The following PPM1F variants were observed in gnomAD, a reference collection of about 807,000 sequenced individuals.
The protein encoded by PPM1F is protein phosphatase 1F.
Under a neutral mutation model 35.5 loss-of-function variants are expected in PPM1F, and 17 were observed. That is an observed-to-expected ratio of 0.48 (90% confidence interval 0.33 to 0.72). The LOEUF is 0.72. Ranked by LOEUF, PPM1F falls within the 30% of genes least tolerant of loss-of-function variation. The pLI, the probability that PPM1F is intolerant of heterozygous loss-of-function variation, is 0.02. For missense variants in PPM1F, 521 were observed against 613.0 expected (o/e 0.85, Z 1.59); for synonymous variants, 241 against 255.5 (o/e 0.94, Z 0.54).
chr22:21,935,881 C>T (rs996212976), intron 3 of PPM1F: 1 of 152,198 alleles, frequency 6.6e-6, no homozygotes, highest in Non-Finnish European at 1.5e-5. Flanking sequence ...CATGTAGTCC[C>T]AGCTACTTGG....
chr22:21,943,142 A>G (rs1462706191), intron 2 of PPM1F: 2 of 152,194 alleles, frequency 1.3e-5, no homozygotes, highest in African/African-American at 4.8e-5. Flanking sequence ...ACGGTCTGTG[A>G]AAGAGCTCAG....
intron 6 of PPM1F, among the ~76,000 whole-genome samples, chr22:21,930,793 G>A (rs780062731): frequency 1.3e-5 from 2 of 152,124 alleles, no homozygotes; most frequent in Non-Finnish European, 2.9e-5. Flanking sequence ...CTCCAGCCTC[G>A]GGGCAGCATC....
At position 21,931,305 on chromosome 22, in the gene PPM1F, G is replaced by A. The variant is rs746291708; in HGVS notation, c.748-14C>T. 1.9e-6 allele frequency: 3 copies of A among 1,609,344 alleles called. No homozygotes were observed. Among genetic ancestry groups the A allele is most frequent in the East Asian group, 2.2e-5 (1 of 44,840 alleles). On this transcript the variant is annotated splice_polypyrimidine_tract_variant and intron_variant, in intron 5 of 7. Transcript: ENST00000263212. Reference sequence around the variant, plus strand: ...GCTCTGCAGCCGCTGCAGGGAGAGAGGGCCCATGAGAGTTGAGAGGAGGTA... The same window carrying A: ...GCTCTGCAGCCGCTGCAGGGAGAGAAGGCCCATGAGAGTTGAGAGGAGGTA...
At chr22:21,943,362 G>C (rs2070745139) in intron 2 of PPM1F, 1 of 152,216 alleles carries the variant, frequency 6.6e-6, no homozygotes, top group Non-Finnish European at 1.5e-5. Context: ...TGTGAAAGAA[G>C]ATGCTAGAAA....
chr22:21,938,076 A>C lies in PPM1F; in HGVS notation c.355+1456T>G, dbSNP rs542216850. The C allele has an allele frequency of 2.3e-6, 3 of 1,279,468 alleles. No individual in the cohort carries two copies. In the South Asian group the frequency reaches 3.8e-5, roughly 16 times the overall value. The allele number at this position is 1,279,468 out of a possible 1,614,324, so 79.3% of individuals were successfully genotyped here. On this transcript the variant is annotated intron_variant, in intron 3 of 7. Transcript: ENST00000263212. ...CGCTAGGCAGGCCTGCATGCGAGGC[A>C]CTCTGACAGACGGGGAAGCAAGGGC...
intron 7 of PPM1F, among the ~76,000 whole-genome samples, chr22:21,924,503 T>A (rs1163866798): frequency 6.6e-6 from 1 of 151,852 alleles, no homozygotes; most frequent in African/African-American, 2.4e-5. Context: ...ACTCCTGACC[T>A]CAGGTGATCC....
chr22:21,939,298 C>G lies in PPM1F; in HGVS notation c.355+234G>C. ...ACAGGACACAGGAGGGTGTCTGCACCACCCACCCCTGCCTCGTGGGCTGAC... is the reference window on the plus strand; with the variant it reads ...ACAGGACACAGGAGGGTGTCTGCACGACCCACCCCTGCCTCGTGGGCTGAC... On this transcript the variant is annotated intron_variant, in intron 3 of 7. Coordinates refer to ENST00000263212, the MANE Select transcript of PPM1F (RefSeq NM_014634.4). This position sits in a 1 kb window ranked among gnomAD's most constrained non-coding sequence, Gnocchi z 5.1. The G allele has an allele frequency of 1.7e-6, 1 of 571,958 alleles. No individual in the cohort carries two copies. 35.4% of individuals were successfully genotyped at this position (571,958 alleles called of 1,614,324 possible). A position where few individuals can be genotyped will look rare whatever the true frequency, so the allele number is the denominator to read the frequency against.
chr22:21,927,060 T>C (rs1011558430), intron 6 of PPM1F, among the ~76,000 whole-genome samples: 2 of 152,158 alleles, frequency 1.3e-5, no homozygotes, highest in African/African-American at 4.8e-5. Flanking sequence ...CCTGGTAGGC[T>C]GGGTGCTCCT....
chr22:21,930,646 C>T (rs1273660728), intron 6 of PPM1F, among the ~76,000 whole-genome samples: 1 of 152,178 alleles, frequency 6.6e-6, no homozygotes, highest in African/African-American at 2.4e-5. Context: ...GCTCGCAATC[C>T]AACCTCAGGA....
intron 6 of PPM1F, among the ~76,000 whole-genome samples, chr22:21,926,340 G>C (rs1467304363): frequency 6.6e-6 from 1 of 151,890 alleles, no homozygotes; most frequent in Admixed American, 6.6e-5. Flanking sequence ...CTCAAAGTTG[G>C]CCAGACTGGT....
rs752536399 is a variant in PPM1F, at chr22:21,922,822, G to A, written c.*270C>T. The A allele has an allele frequency of 5.1e-5, 23 of 450,352 alleles. No individual in the cohort carries two copies. The highest frequency in any genetic ancestry group is 7.9e-5 in the Non-Finnish European group (20 of 253,172). The allele number at this position is 450,352 out of a possible 1,614,324, so 27.9% of individuals were successfully genotyped here. A position where few individuals can be genotyped will look rare whatever the true frequency, so the allele number is the denominator to read the frequency against. On this transcript the variant is annotated 3_prime_UTR_variant, in exon 8 of 8. Coordinates refer to ENST00000263212, the MANE Select transcript of PPM1F (RefSeq NM_014634.4). ...CACCTATGACCTCTGGTCCCACCCC[G>A]GGCCTAATAGGAGCTGGGAGCAAGA...
chr22:21,927,942 G>GTTTTTTTTTTTTTTTTTTTTTT (rs60216371), intron 6 of PPM1F, among the ~76,000 whole-genome samples: 12 of 75,146 alleles, frequency 1.6e-4, no homozygotes, highest in East Asian at 5.5e-4. Context: ...TTTTTGTTTT[G>GTTTTTTTTTTTTTTTTTTTTTT]TTTTTTTTTT....
At position 21,923,194 on chromosome 22, in the gene PPM1F, C is replaced by T. The variant is rs2070467680; in HGVS notation, c.1263G>A (p.Glu421=). 6.2e-7 allele frequency: 1 copy of T among 1,613,586 alleles called. No individual in the cohort carries two copies. Among genetic ancestry groups the T allele is most frequent in the South Asian group, 1.1e-5 (1 of 91,082 alleles). The stretch of plus-strand genomic sequence containing the variant: ...GGTCCCCTTCTCCCTGGTTCCCGCC[C>T]TCCAGCAGCTCTTGGGGGTCCCTGA... ...VFLRDPQELL[E]GGNQGEGDPQ... Residue 421 remains glutamate, a synonymous_variant, in exon 8 of 8, where the codon GAG becomes GAA. Coordinates refer to ENST00000263212, the MANE Select transcript of PPM1F (RefSeq NM_014634.4).
At chr22:21,929,502 C>G (rs1390458642) in intron 6 of PPM1F, among the ~76,000 whole-genome samples, 1 of 152,220 alleles carries the variant, frequency 6.6e-6, no homozygotes, top group Non-Finnish European at 1.5e-5. Flanking sequence ...AGGACTCAGG[C>G]AGTGTTTGAA....
At chr22:21,930,307 G>A (rs1421448892) in intron 6 of PPM1F, among the ~76,000 whole-genome samples, 1 of 152,218 alleles carries the variant, frequency 6.6e-6, no homozygotes, top group Non-Finnish European at 1.5e-5. Context: ...TACCCAGACT[G>A]TACGTGCATC....
Position 21,946,042 on chromosome 22 carries a change from A to T in PPM1F, c.7T>A (p.Ser3Thr), listed in dbSNP as rs746224746. MS[S>T]GAPQKSSPMA... ...GGGCTGCTCTTCTGTGGGGCTCCAG[A>T]GGACATGCCCAAAGCATCCCGGGGG... The change falls in exon 2 of 8, where the codon TCT becomes ACT. Residue 3 changes from serine (S) to threonine (T), a missense_variant. This residue lies in a region of PPM1F where 311 missense variants were observed against 351.5 expected (regional missense o/e 0.88). Transcript: ENST00000263212. The T allele has an allele frequency of 5.9e-6, 9 of 1,536,272 alleles. No individual in the cohort carries two copies. In the Admixed American group the frequency reaches 1.6e-4, roughly 27 times the overall value.
In PPM1F at chr22:21,919,598, C is replaced by T. The variant is rs113908221; in HGVS notation, c.*3494G>A. The T allele has an allele frequency of 1.3e-5, 2 of 152,712 alleles. No homozygotes were observed. Among genetic ancestry groups the T allele is most frequent in the South Asian group, 2.1e-4 (1 of 4,818 alleles). 9.5% of individuals were successfully genotyped at this position (152,712 alleles called of 1,614,324 possible). On this transcript the variant is annotated 3_prime_UTR_variant, in exon 8 of 8. Transcript: ENST00000263212. ...TGCAGGAGAAGCCCACCGAGACGAA[C>T]GCAGATAAACCCTTCGCAAGGCCTG...
At chr22:21,946,703 A>G (rs1023155183) in intron 1 of PPM1F, 1 of 152,396 alleles carries the variant, frequency 6.6e-6, no homozygotes, top group African/African-American at 2.4e-5. Flanking sequence ...GCCAGGAGAG[A>G]AGCAGAGGTT....
intron 7 of PPM1F, among the ~76,000 whole-genome samples, chr22:21,924,658 C>T (rs956635272): frequency 3.3e-5 from 5 of 151,586 alleles, no homozygotes; most frequent in African/African-American, 7.3e-5. Flanking sequence ...GTAACCTCCG[C>T]CTCTGGGTTC....
Sources: gnomAD v4.1 joint callset for allele counts (sites outside exome capture counted in the v4.1 genomes callset) on GRCh38, gnomAD v4.1.1 for gene constraint, gnomAD v4.1.1 regional missense constraint, Gnocchi (gnomAD v3.1) non-coding constraint, MANE v1.5 for transcripts, NCBI Gene and HGNC (gene_info 2026-07-23, HGNC 2026-07-21) for gene names.